Variants in NAV2 observed in about 807,000 individuals in gnomAD.
NAV2 encodes neuron navigator 2.
NAV2 carries 54 observed loss-of-function variants against 223.2 expected under a neutral mutation model. That is an observed-to-expected ratio of 0.24 (90% CI 0.19 to 0.30). NAV2 has a LOEUF of 0.30. NAV2 is among the 10% of genes least tolerant of loss of function. NAV2 has a pLI of 1.00. For synonymous variants in NAV2, 1,279 were observed against 1,239.3 expected (o/e 1.03, Z -0.67); for missense variants, 2,806 against 3,147.5 (o/e 0.89, Z 2.60).
At position 20,114,935 on chromosome 11, in the gene NAV2, T is replaced by C. The variant is rs149448328; in HGVS notation, c.7164+140T>C. On this transcript the variant is annotated intron_variant, in intron 37 of 37. Coordinates refer to ENST00000349880, the MANE Select transcript of NAV2 (RefSeq NM_145117.5). The stretch of plus-strand genomic sequence containing the variant: ...GGCTGGACCCAAATGACTGGGCCAT[T>C]TTTGCCAATATTTTCTTCCATGGTT... 3,904 of 825,150 alleles carry C rather than the reference T, an allele frequency of 4.7e-3. 91 individuals carry two copies. In the South Asian group the frequency reaches 0.05, roughly 11 times the overall value. The allele number at this position is 825,150 out of a possible 1,614,324, so 51.1% of individuals were successfully genotyped here. A position where few individuals can be genotyped will look rare whatever the true frequency, so the allele number is the denominator to read the frequency against.
chr11:19,731,820 T>C (rs1455672455), intron 1 of NAV2, among the ~76,000 whole-genome samples: 3 of 152,236 alleles, frequency 2.0e-5, no homozygotes, highest in African/African-American at 7.2e-5. Flanking sequence ...AATGTGAACA[T>C]GTATTGCTAA....
In NAV2 at chr11:19,842,938, G is replaced by C. The variant is rs766609926; in HGVS notation, c.438+15G>C. The C allele has an allele frequency of 1.2e-6, 2 of 1,612,040 alleles. No homozygotes were observed. Among genetic ancestry groups the C allele is most frequent in the South Asian group, 1.1e-5 (1 of 90,810 alleles). ...GATCCCAAATGGTAAGTGGTGCATA[G>C]GTAGTAAATGTTTGAGTTCTGTCAG... is the stretch of plus-strand genomic sequence containing the variant. On this transcript the variant is annotated intron_variant, in intron 3 of 37. Transcript: ENST00000349880.
intron 1 of NAV2, among the ~76,000 whole-genome samples, chr11:19,451,518 A>G (rs1361213237): frequency 6.6e-6 from 1 of 152,206 alleles, no homozygotes; most frequent in Non-Finnish European, 1.5e-5. Context: ...GCTCTAAACA[A>G]ACAGCAGTGG....
chr11:20,027,690 G>A (rs2055246383), intron 11 of NAV2: 1 of 153,440 alleles, frequency 6.5e-6, no homozygotes, highest in Non-Finnish European at 1.4e-5. Flanking sequence ...CTCACCGGCT[G>A]TGGTTTTATT....
intron 26 of NAV2, among the ~76,000 whole-genome samples, chr11:20,087,017 A>G (rs996186137): frequency 2.0e-5 from 3 of 152,286 alleles, no homozygotes; most frequent in Non-Finnish European, 2.9e-5. Flanking sequence ...TTGAATGAAG[A>G]CGAAGATGAT....
Position 20,092,503 on chromosome 11 carries a change from A to G in NAV2, c.5815+135A>G, listed in dbSNP as rs1592107174. ...AGGCGTGTGTGCACTTGGGGTGTGT[A>G]TGTGTCTGGGTGTGAGTCTGCTACC... On this transcript the variant is annotated intron_variant, in intron 28 of 37. Transcript: ENST00000349880. 2.5e-5 allele frequency: 22 copies of G among 877,414 alleles called. No individual in the cohort carries two copies. In the East Asian group the frequency reaches 5.4e-4, roughly 22 times the overall value. 54.4% of individuals were successfully genotyped at this position (877,414 alleles called of 1,614,324 possible).
intron 1 of NAV2, among the ~76,000 whole-genome samples, chr11:19,823,616 C>T (rs1161091391): frequency 2.6e-5 from 4 of 152,206 alleles, no homozygotes; most frequent in African/African-American, 9.7e-5. Context: ...GCTGGGATTA[C>T]AGGTGTGAGC....
chr11:19,442,356 C>T (rs992747297), intron 1 of NAV2, among the ~76,000 whole-genome samples: 10 of 152,180 alleles, frequency 6.6e-5, no homozygotes, highest in Admixed American at 2.0e-4. Flanking sequence ...TTTTTGCTGG[C>T]GGCACAGGCA....
chr11:19,912,769 C>G (rs1422861131), intron 6 of NAV2, among the ~76,000 whole-genome samples: 3 of 152,208 alleles, frequency 2.0e-5, no homozygotes, highest in African/African-American at 7.2e-5. Flanking sequence ...ATGTATACAT[C>G]TTGCTCAACC....
At chr11:19,356,669 TTGGGGGGCTGCAGC>T (rs1853638484) in intron 1 of NAV2, among the ~76,000 whole-genome samples, 1 of 152,168 alleles carries the variant, frequency 6.6e-6, no homozygotes, top group South Asian at 2.1e-4. Flanking sequence ...ATGTGGCCTT[TTGGGGGGCTGCAGC>T]TGGGATGGAT....
chr11:19,881,641 A>G (rs927242775), intron 5 of NAV2, among the ~76,000 whole-genome samples: 2 of 152,206 alleles, frequency 1.3e-5, no homozygotes, highest in African/African-American at 2.4e-5. Flanking sequence ...CACATGCCAG[A>G]CACTGTTCTA....
intron 1 of NAV2, among the ~76,000 whole-genome samples, chr11:19,462,637 A>C (rs1852206735): frequency 6.6e-6 from 1 of 152,268 alleles, no homozygotes; most frequent in Non-Finnish European, 1.5e-5. Context: ...TTACAAGGCC[A>C]AAGCTCATAA....
intron 1 of NAV2, among the ~76,000 whole-genome samples, chr11:19,759,740 C>T (rs1163020509): frequency 6.6e-6 from 1 of 151,824 alleles, no homozygotes; most frequent in East Asian, 1.9e-4. Context: ...TAATGATATC[C>T]ACCTCATGGG....
At chr11:19,916,426 T>C (rs2153225005) in intron 6 of NAV2, among the ~76,000 whole-genome samples, 1 of 152,370 alleles carries the variant, frequency 6.6e-6, no homozygotes, top group East Asian at 1.9e-4. Context: ...TACATAAAAG[T>C]TGCTGTTGCT....
At chr11:19,844,145 C>A (rs7120530) in intron 3 of NAV2, among the ~76,000 whole-genome samples, 1 of 151,992 alleles carries the variant, frequency 6.6e-6, no homozygotes, top group Admixed American at 6.5e-5. Context: ...TTTGGAAAAG[C>A]TGGGCTGCTA....
intron 1 of NAV2, among the ~76,000 whole-genome samples, chr11:19,731,991 A>C (rs906043459): frequency 6.6e-6 from 1 of 152,170 alleles, no homozygotes; most frequent in Non-Finnish European, 1.5e-5. Flanking sequence ...AAGGATAATG[A>C]TTAAGAGTAT....
intron 10 of NAV2, among the ~76,000 whole-genome samples, chr11:19,979,548 T>G (rs2153446055): frequency 6.6e-6 from 1 of 152,324 alleles, no homozygotes. Flanking sequence ...CCGCACCCTT[T>G]AGGGCCAACT....
intron 7 of NAV2, among the ~76,000 whole-genome samples, chr11:19,938,920 G>T (rs868473416): frequency 1.3e-5 from 2 of 152,212 alleles, no homozygotes; most frequent in Admixed American, 6.5e-5. Flanking sequence ...ATGCCAGTGC[G>T]TTAATAATGT....
chr11:19,527,244 G>A (rs2043869409), intron 1 of NAV2, among the ~76,000 whole-genome samples: 1 of 152,030 alleles, frequency 6.6e-6, no homozygotes, highest in East Asian at 1.9e-4. Flanking sequence ...TTTATAAAGG[G>A]TTTCCCCTTT....
Sources: allele counts gnomAD v4.1 joint callset (sites outside exome capture counted in the v4.1 genomes callset), GRCh38; gene constraint gnomAD v4.1.1; transcripts MANE v1.5; gene names NCBI Gene and HGNC (gene_info 2026-07-23, HGNC 2026-07-21).